Variants in CUEDC1 observed in about 807,000 individuals in gnomAD.
CUEDC1 encodes the protein CUE domain-containing protein 1.
CUEDC1 carries 30 observed loss-of-function variants against 43.7 expected under a neutral mutation model. The observed-to-expected ratio is 0.69, with a 90% CI of 0.51 to 0.93. CUEDC1 has a LOEUF of 0.93. CUEDC1 is among the 40% of genes least tolerant of loss of function. CUEDC1 has a pLI of 0.00. For missense variants in CUEDC1, 486 were observed against 549.0 expected, an observed-to-expected ratio of 0.89 and a Z score of 1.15; for synonymous variants, 223 against 223.6, an observed-to-expected ratio of 1.00 and a Z score of 0.02.
chr17:57,890,653 G>A (rs28542963), intron 1 of CUEDC1, among the ~76,000 whole-genome samples: 18,367 of 152,200 alleles, frequency 0.12, 1,493 homozygotes, highest in Non-Finnish European at 0.17. Context: ...CGGCAGGGGC[G>A]GCAAACAGCC....
In CUEDC1 at chr17:57,885,457, G is replaced by T; in HGVS notation, c.108C>A (p.Ser36Arg). ...GTAAPQELNN[S>R]RPARQVRRLE... ...GGCGGCGCACCTGGCGGGCAGGCCG[G>T]CTGTTGTTGAGCTCCTGGGGGGCGG... Residue 36 changes from serine to arginine, a missense_variant, in exon 2 of 11, where the codon AGC becomes AGA. Transcript: ENST00000577830. 1 of 1,594,618 alleles carries T rather than the reference G, an allele frequency of 6.3e-7. No individual in the cohort carries two copies.
intron 2 of CUEDC1, among the ~76,000 whole-genome samples, chr17:57,884,785 T>C (rs906371303): frequency 6.6e-6 from 1 of 152,242 alleles, no homozygotes; most frequent in African/African-American, 2.4e-5. Context: ...TGGCCGTCAG[T>C]ACCCGACTCG....
intron 1 of CUEDC1, among the ~76,000 whole-genome samples, chr17:57,924,112 ATT>A (rs34465364): frequency 1.0e-4 from 15 of 148,496 alleles, no homozygotes; most frequent in African/African-American, 1.5e-4. Flanking sequence ...TTCTTCCTGC[ATT>A]TTTTTTTTTT....
chr17:57,929,009 A>G (rs571689878), intron 1 of CUEDC1, among the ~76,000 whole-genome samples: 221 of 108,828 alleles, frequency 2.0e-3, no homozygotes, highest in African/African-American at 0.01. Context: ...GCAGGCGGGG[A>G]AAAAAAGTTT....
At chr17:57,888,175 T>C (rs913003903) in intron 1 of CUEDC1, among the ~76,000 whole-genome samples, 2 of 152,226 alleles carry the variant, frequency 1.3e-5, no homozygotes, top group Admixed American at 6.5e-5. Context: ...AGTGCTGGGA[T>C]TACAGGCGTG....
At chr17:57,945,487 T>G (rs1266833509) in intron 1 of CUEDC1, among the ~76,000 whole-genome samples, 1 of 152,264 alleles carries the variant, frequency 6.6e-6, no homozygotes, top group Non-Finnish European at 1.5e-5. Context: ...TAAACATTTT[T>G]GTAAAGGTTT....
At chr17:57,869,719 C>A (rs1394666553) in intron 6 of CUEDC1, among the ~76,000 whole-genome samples, 1 of 152,180 alleles carries the variant, frequency 6.6e-6, no homozygotes, top group Non-Finnish European at 1.5e-5. Flanking sequence ...CCCTCCCAGC[C>A]ACAGGGTTTC....
At chr17:57,916,848 T>C (rs547801402) in intron 1 of CUEDC1, among the ~76,000 whole-genome samples, 1 of 152,128 alleles carries the variant, frequency 6.6e-6, no homozygotes, top group South Asian at 2.1e-4. Flanking sequence ...CCACCTGGAG[T>C]GCACTGTCTG....
At chr17:57,891,876 C>T (rs1359439265) in intron 1 of CUEDC1, among the ~76,000 whole-genome samples, 2 of 152,236 alleles carry the variant, frequency 1.3e-5, no homozygotes, top group Non-Finnish European at 2.9e-5. Flanking sequence ...CTGTCTTCTT[C>T]ATGAAACAGA....
rs1385497698 is a variant in CUEDC1 at position 57,870,833 on chromosome 17, T to C, written c.868+453A>G. ...CTGGGACTAGAAGCACAGGCCAATA[T>C]GCCCAGCTAATTTTTAGTACTTTTT... is the stretch of plus-strand genomic sequence containing the variant. On this transcript the variant is annotated intron_variant, in intron 6 of 10. Transcript: ENST00000577830. Among the ~76,000 whole-genome samples, 5 of 152,128 alleles carry C rather than the reference T, an allele frequency of 3.3e-5. No individual in the cohort carries two copies. In the East Asian group the frequency reaches 9.6e-4, roughly 29 times the overall value.
chr17:57,903,155 G>A (rs1461241749), intron 1 of CUEDC1: 1 of 152,364 alleles, frequency 6.6e-6, no homozygotes, highest in Non-Finnish European at 1.5e-5. Flanking sequence ...AGGGAACAGG[G>A]AGGTAAAAAA....
At chr17:57,868,730 A>C (rs1375047797) in intron 7 of CUEDC1, among the ~76,000 whole-genome samples, 2 of 151,678 alleles carry the variant, frequency 1.3e-5, no homozygotes, top group Admixed American at 6.6e-5. Flanking sequence ...AGGGGGAGGG[A>C]AGGGGGCATT....
intron 1 of CUEDC1, among the ~76,000 whole-genome samples, chr17:57,897,543 A>G (rs2144996430): frequency 6.6e-6 from 1 of 150,770 alleles, no homozygotes; most frequent in Non-Finnish European, 1.5e-5. Flanking sequence ...GGTGGCAGGC[A>G]CCTGTAGTCC....
chr17:57,923,903 G>A (rs772350996), intron 1 of CUEDC1, among the ~76,000 whole-genome samples: 5 of 152,178 alleles, frequency 3.3e-5, no homozygotes, highest in African/African-American at 9.7e-5. Context: ...AAACAGGCTC[G>A]ATGGATAAGT....
rs375350744 is a variant in CUEDC1, at chr17:57,879,732, C to G, written c.343G>C (p.Glu115Gln). 6.3e-5 allele frequency: 101 copies of G among 1,597,232 alleles called. No individual in the cohort carries two copies. The highest frequency in any genetic ancestry group is 8.2e-5 in the Non-Finnish European group (96 of 1,174,062). Reference protein sequence around the residue: ...SEDSIPPEILERTLEPDSSDE... With the variant: ...SEDSIPPEILQRTLEPDSSDE... ...GAGCTATCAGGTTCCAAAGTCCTTT[C>G]CAAGATCTAAATCAGAGGCAACAGA... The change falls in exon 3 of 11, where the codon GAA (glutamate) becomes CAA (glutamine). Residue 115 changes from glutamate to glutamine, a missense_variant. Coordinates refer to ENST00000577830, the MANE Select transcript of CUEDC1 (RefSeq NM_001271875.2).
chr17:57,947,488 A>G (rs2074969837), intron 1 of CUEDC1, among the ~76,000 whole-genome samples: 1 of 152,176 alleles, frequency 6.6e-6, no homozygotes, highest in African/African-American at 2.4e-5. Flanking sequence ...CGTAAATTTG[A>G]AAAACGAAGC....
chr17:57,893,346 G>GGTGTGTGTGTGTGTGTGT (rs1456034263), intron 1 of CUEDC1, among the ~76,000 whole-genome samples: 1 of 89,894 alleles, frequency 1.1e-5, no homozygotes, highest in African/African-American at 3.0e-5. Context: ...AGGCTCTCAG[G>GGTGTGTGTGTGTGTGTGT]GTATGTGTGT....
At chr17:57,868,727 G>A (rs953817372) in intron 7 of CUEDC1, among the ~76,000 whole-genome samples, 1 of 152,140 alleles carries the variant, frequency 6.6e-6, no homozygotes, top group Admixed American at 6.5e-5. Context: ...GTGAGGGGGA[G>A]GGAAGGGGGC....
intron 1 of CUEDC1, among the ~76,000 whole-genome samples, chr17:57,908,073 T>C (rs1356860302): frequency 1.3e-5 from 2 of 151,984 alleles, no homozygotes; most frequent in Non-Finnish European, 2.9e-5. Flanking sequence ...CAGGTTCTTT[T>C]TGAGACGAAA....
Sources: gnomAD v4.1 joint callset for allele counts (sites outside exome capture counted in the v4.1 genomes callset) on GRCh38, gnomAD v4.1.1 for gene constraint, MANE v1.5 for transcripts, NCBI Gene and HGNC (gene_info 2026-07-23, HGNC 2026-07-21) for gene names.